The following ZC3H12B variants were observed in gnomAD, a reference collection of about 807,000 sequenced individuals.
ZC3H12B encodes the protein probable ribonuclease ZC3H12B.
In ZC3H12B, 7 loss-of-function variants were observed where a neutral mutation model predicts 43.9. The observed-to-expected ratio is 0.16, with a 90% CI of 0.09 to 0.30. The LOEUF (loss-of-function observed/expected upper bound fraction) is 0.30, where lower values mean the gene tolerates loss of function less well. ZC3H12B is among the 10% of genes least tolerant of loss of function. The pLI is 1.00. For synonymous variants in ZC3H12B, 222 were observed against 241.7 expected (o/e 0.92, Z 0.76); for missense variants, 475 against 670.2 (o/e 0.71, Z 3.22).
At chrX:65,352,698 T>C in the ZC3H12B span, among the ~76,000 whole-genome samples, 2 of 111,559 alleles carry the variant, frequency 1.8e-5, no homozygotes, top group Admixed American at 1.9e-4. Flanking sequence ...TTTGTAACAA[T>C]CCTGTGTTGA....
chrX:65,198,363 C>T, the ZC3H12B span, among the ~76,000 whole-genome samples: 1 of 111,924 alleles, frequency 8.9e-6, no homozygotes, highest in Non-Finnish European at 1.9e-5. Flanking sequence ...ATCTTTATTG[C>T]TGATTAACAT....
chrX:65,268,930 G>A, the ZC3H12B span, among the ~76,000 whole-genome samples: 2 of 112,094 alleles, frequency 1.8e-5, no homozygotes, highest in Admixed American at 9.4e-5. Flanking sequence ...AGAAAGAAAT[G>A]AAAGTATATC....
At chrX:65,327,971 C>T in the ZC3H12B span, 2 of 192,319 alleles carry the variant, frequency 1.0e-5, no homozygotes, top group East Asian at 2.6e-4. Context: ...CCAAACATAA[C>T]TGAGTGATAG....
intron 1 of ZC3H12B, among the ~76,000 whole-genome samples, chrX:65,495,390 C>A (rs1340129664): frequency 8.9e-6 from 1 of 111,951 alleles, no homozygotes; most frequent in Admixed American, 9.5e-5. Flanking sequence ...TATATGAATT[C>A]ATTGAAAGGG....
the ZC3H12B span, among the ~76,000 whole-genome samples, chrX:65,067,554 G>C: frequency 1.8e-5 from 2 of 111,209 alleles, no homozygotes; most frequent in Non-Finnish European, 3.8e-5. Flanking sequence ...TGTTGGTCTC[G>C]CTGGGAGCTG....
At chrX:65,109,005 C>T in the ZC3H12B span, among the ~76,000 whole-genome samples, 17 of 111,180 alleles carry the variant, frequency 1.5e-4, no homozygotes, top group Non-Finnish European at 2.5e-4. Flanking sequence ...CTGGGTTTGC[C>T]CCAGCTTTTG....
At chrX:65,039,930 C>T in the ZC3H12B span, among the ~76,000 whole-genome samples, 10 of 111,453 alleles carry the variant, frequency 9.0e-5, no homozygotes, top group East Asian at 2.2e-3. Context: ...CAGATTTCCT[C>T]ATTGCGTGTT....
At chrX:65,370,805 A>G (rs1602330558) in intron 2 of ZC3H12B, among the ~76,000 whole-genome samples, 1 of 112,111 alleles carries the variant, frequency 8.9e-6, no homozygotes, top group East Asian at 2.8e-4. Context: ...ATCTTGGCTC[A>G]AAGCAGTGAA....
chrX:65,344,319 TA>T, the ZC3H12B span, among the ~76,000 whole-genome samples: 1 of 111,564 alleles, frequency 9.0e-6, no homozygotes, highest in Non-Finnish European at 1.9e-5. Flanking sequence ...CATAGAACTA[TA>T]AAAAGCTAGG....
chrX:65,413,449 T>G (rs2066926999), intron 3 of ZC3H12B, among the ~76,000 whole-genome samples: 1 of 112,122 alleles, frequency 8.9e-6, no homozygotes, highest in African/African-American at 3.2e-5. Context: ...TTGAACCATT[T>G]AAGTTAATTT....
At chrX:65,316,380 CA>C in the ZC3H12B span, among the ~76,000 whole-genome samples, 1 of 111,351 alleles carries the variant, frequency 9.0e-6, no homozygotes, top group Non-Finnish European at 1.9e-5. Context: ...GAAATGAAAG[CA>C]AAATTTTAAA....
the ZC3H12B span, among the ~76,000 whole-genome samples, chrX:65,155,739 A>T: frequency 1.8e-5 from 2 of 110,947 alleles, no homozygotes; most frequent in African/African-American, 6.6e-5. Context: ...AGGTGCCTGA[A>T]GTACCAGCTA....
the ZC3H12B span, among the ~76,000 whole-genome samples, chrX:65,035,592 C>T: frequency 1.8e-5 from 2 of 111,234 alleles, no homozygotes. Context: ...CGTGCTCGCC[C>T]CTTTCCCCTC....
At chrX:65,492,048 G>A (rs1323065702) in intron 1 of ZC3H12B, among the ~76,000 whole-genome samples, 1 of 110,878 alleles carries the variant, frequency 9.0e-6, no homozygotes, top group Non-Finnish European at 1.9e-5. Context: ...TTTGGGATGT[G>A]TCCAACTCAA....
the ZC3H12B span, among the ~76,000 whole-genome samples, chrX:65,305,072 T>A: frequency 8.9e-6 from 1 of 112,103 alleles, no homozygotes; most frequent in Non-Finnish European, 1.9e-5. Context: ...TTATTTCTCA[T>A]TAAAGAAATG....
chrX:65,310,748 A>G, the ZC3H12B span, among the ~76,000 whole-genome samples: 1 of 111,924 alleles, frequency 8.9e-6, no homozygotes, highest in Non-Finnish European at 1.9e-5. Context: ...TTCAAACTAT[A>G]CTACAAGGCT....
chrX:65,398,739 C>A (rs1349431659), intron 3 of ZC3H12B, 35 bp downstream of exon 5: 1 of 111,733 alleles, frequency 8.9e-6, no homozygotes, highest in Non-Finnish European at 1.9e-5. Context: ...TTGTAAATTA[C>A]CCATTTTTAA....
the ZC3H12B span, among the ~76,000 whole-genome samples, chrX:65,212,418 T>A: frequency 3.4e-5 from 2 of 59,207 alleles, no homozygotes; most frequent in African/African-American, 7.8e-5. Context: ...ATATTATATA[T>A]GTAATATAAT....
intron 3 of ZC3H12B, among the ~76,000 whole-genome samples, chrX:65,459,673 T>A (rs1325740078): frequency 5.4e-5 from 6 of 111,575 alleles, no homozygotes; most frequent in Non-Finnish European, 1.1e-4. Flanking sequence ...CATGCTAAAA[T>A]CTCTCAATAA....
Sources: gnomAD v4.1 joint callset for allele counts (sites outside exome capture counted in the v4.1 genomes callset) on GRCh38, gnomAD v4.1.1 for gene constraint, MANE v1.5 for transcripts, NCBI Gene and HGNC (gene_info 2026-07-23, HGNC 2026-07-21) for gene names.